The following ZIC1 variants were observed in gnomAD, a reference collection of about 807,000 sequenced individuals.
The protein encoded by ZIC1 is Zic family zinc finger 1.
A neutral mutation model predicts 30.9 loss-of-function variants in ZIC1; 4 were observed. The ratio of observed to expected loss-of-function variants is 0.13; its 90% CI spans 0.06 to 0.30. The LOEUF (loss-of-function observed/expected upper bound fraction) is 0.30, where lower values mean the gene tolerates loss of function less well. ZIC1 is among the 10% of genes least tolerant of loss of function. ZIC1 has a pLI of 1.00. For synonymous variants in ZIC1, 305 were observed against 277.5 expected (o/e 1.10, Z -0.98); for missense variants, 441 against 639.3 (o/e 0.69, Z 3.34).
In ZIC1 at chr3:147,410,587, G is replaced by A. The variant is rs1427425587; in HGVS notation, c.475G>A (p.Val159Ile). The A allele has an allele frequency of 6.2e-7, 1 of 1,613,116 alleles. No homozygotes were observed. Residue 159 changes from valine (V) to isoleucine (I), a missense_variant, in exon 1 of 3, where the codon GTC (valine) becomes ATC (isoleucine). By Grantham distance (29) the Val-to-Ile change is conservative. Coordinates refer to ENST00000282928, the MANE Select transcript of ZIC1 (RefSeq NM_003412.4). ...TGCCGGCCACGCGTCGCCTAACGTG[G>A]TCAACGGGCAGATGAGGCTCGGCTT... ...QAAGHASPNVVNGQMRLGFSG... is the reference protein window; with the variant it reads ...QAAGHASPNVINGQMRLGFSG...
chr3:147,412,391 A>G (rs2087388937), intron 1 of ZIC1, 127 bp from the exon 2 acceptor site: 2 of 1,106,928 alleles, frequency 1.8e-6, no homozygotes, highest in Non-Finnish European at 2.6e-6. Flanking sequence ...CGGGTTTTTA[A>G]GCTTGCAAAG....
chr3:147,413,389 G>A lies in ZIC1; in HGVS notation c.1182G>A (p.Ser394=). ...CCTCCTCGCAGGGCTCGCAGCCTTC[G>A]CCGGCCGCCAGCTCTGGCTACGAAT... ...HESSSQGSQP[S]PAASSGYESS... Residue 394 remains serine, a synonymous_variant, in exon 3 of 3, where the codon TCG becomes TCA. Transcript: ENST00000282928. 1 of 1,613,852 alleles carries A rather than the reference G, an allele frequency of 6.2e-7. No individual in the cohort carries two copies. Among genetic ancestry groups the A allele is most frequent in the East Asian group, 2.2e-5 (1 of 44,862 alleles).
Position 147,411,112 on chromosome 3 carries a change from G to A in ZIC1, c.982+18G>A. The A allele has an allele frequency of 1.2e-6, 2 of 1,602,666 alleles. No individual in the cohort carries two copies. The highest frequency in any genetic ancestry group is 1.1e-5 in the South Asian group (1 of 88,692). On this transcript the variant is annotated intron_variant, in intron 1 of 2. Coordinates refer to ENST00000282928, the MANE Select transcript of ZIC1 (RefSeq NM_003412.4). ...GCACACAGGTACGGAAACAGCTGTA[G>A]GACCCCTACCCATTCCCACTTGGGC...
intron 1 of ZIC1, among the ~76,000 whole-genome samples, chr3:147,411,954 A>T (rs932259227): frequency 2.0e-5 from 3 of 151,950 alleles, no homozygotes; most frequent in African/African-American, 7.3e-5. Flanking sequence ...CCCGGGTGAG[A>T]TCTGAGAACC....
Position 147,412,637 on chromosome 3 carries a change from G to T in ZIC1, c.1102G>T (p.Asp368Tyr). Reference protein sequence around the residue: ...SDKPYLCKMCDKSYTHPSSLR... With the variant: ...SDKPYLCKMCYKSYTHPSSLR... ...CAAGCCCTATCTTTGCAAGATGTGC[G>T]ACAAGTCCTACACGCATCCCAGTTC... is the stretch of plus-strand genomic sequence containing the variant. Residue 368 changes from aspartate to tyrosine, a missense_variant, in exon 2 of 3, where the codon GAC (aspartate) becomes TAC (tyrosine). Physicochemically the swap from Asp to Tyr is radical, Grantham distance 160. Coordinates refer to ENST00000282928, the MANE Select transcript of ZIC1 (RefSeq NM_003412.4). 6.2e-7 allele frequency: 1 copy of T among 1,614,194 alleles called. No individual in the cohort carries two copies. Among genetic ancestry groups the T allele is most frequent in the Non-Finnish European group, 8.5e-7 (1 of 1,180,050 alleles).
In ZIC1 at chr3:147,413,992, T is replaced by C. The variant is rs1271700957; in HGVS notation, c.*441T>C. The C allele has an allele frequency of 1.6e-5, 2 of 122,346 alleles. No individual in the cohort carries two copies. Among genetic ancestry groups the C allele is most frequent in the Non-Finnish European group, 3.3e-5 (2 of 60,980 alleles). 7.6% of individuals were successfully genotyped at this position (122,346 alleles called of 1,614,324 possible). A position where few individuals can be genotyped will look rare whatever the true frequency, so the allele number is the denominator to read the frequency against. On this transcript the variant is annotated 3_prime_UTR_variant, in exon 3 of 3. Transcript: ENST00000282928. ...CTCGGTTGGAGCGGGTGGGTGGGAT[T>C]GTGGCGTTGTGGTCTTTGCATTGGG...
rs765725158 is a variant in ZIC1 at position 147,410,728 on chromosome 3, G to T, written c.616G>T (p.Ala206Ser). ...CGGGCCCATGAACGTGAACATGGCC[G>T]CGCATCACGGCGCCGGCGCCTTCTT... Reference protein sequence around the residue: ...GYGPMNVNMAAHHGAGAFFRY... With the variant: ...GYGPMNVNMASHHGAGAFFRY... The change falls in exon 1 of 3, where the codon GCG (alanine) becomes TCG (serine). Residue 206 changes from alanine to serine, a missense_variant. Ala to Ser is a moderately conservative substitution (Grantham distance 99, BLOSUM62 1). Transcript: ENST00000282928. 7 of 1,614,068 alleles carry T rather than the reference G, an allele frequency of 4.3e-6. No individual in the cohort carries two copies. The highest frequency in any genetic ancestry group is 8.5e-7 in the Non-Finnish European group (1 of 1,179,968).
Position 147,413,609 on chromosome 3 carries a change from C to G in ZIC1, c.*58C>G, listed in dbSNP as rs1400493087. The G allele has an allele frequency of 6.4e-7, 1 of 1,569,780 alleles. No homozygotes were observed. Among genetic ancestry groups the G allele is most frequent in the Admixed American group, 1.8e-5 (1 of 55,976 alleles). On this transcript the variant is annotated 3_prime_UTR_variant, in exon 3 of 3. Coordinates refer to ENST00000282928, the MANE Select transcript of ZIC1 (RefSeq NM_003412.4). ...TTAAGAGACTGATCACACACGTATA[C>G]ACAACATTACTGAAAGAACCCTGCG...
Position 147,410,466 on chromosome 3 carries a change from C to A in ZIC1, c.354C>A (p.His118Gln). 1 of 1,605,812 alleles carries A rather than the reference C, an allele frequency of 6.2e-7. No homozygotes were observed. Among genetic ancestry groups the A allele is most frequent in the Non-Finnish European group, 8.5e-7 (1 of 1,179,456 alleles). Reference sequence around the variant, plus strand: ...CGGCGGCGGCAGCCAGCGCACAGCACAGCCTCTTTGCTGCATCGGCCGGGG... The same window carrying A: ...CGGCGGCGGCAGCCAGCGCACAGCAAAGCCTCTTTGCTGCATCGGCCGGGG... ...GDAAAAASAQ[H>Q]SLFAASAGGF... is the part of the protein sequence containing the mutation. The change falls in exon 1 of 3, where the codon CAC becomes CAA. Residue 118 changes from histidine (H) to glutamine (Q), a missense_variant. His to Gln is a conservative substitution (Grantham distance 24, BLOSUM62 0). This residue lies in a region of ZIC1 where 307 missense variants were observed against 355.3 expected (regional missense o/e 0.86). Coordinates refer to ENST00000282928, the MANE Select transcript of ZIC1 (RefSeq NM_003412.4).
chr3:147,410,112 G>C lies in ZIC1; in HGVS notation c.-1G>C. 1.3e-6 allele frequency: 2 copies of C among 1,526,576 alleles called. No homozygotes were observed. Among genetic ancestry groups the C allele is most frequent in the South Asian group, 1.3e-5 (1 of 79,910 alleles). 94.6% of individuals were successfully genotyped at this position (1,526,576 alleles called of 1,614,324 possible). A position where few individuals can be genotyped will look rare whatever the true frequency, so the allele number is the denominator to read the frequency against. On this transcript the variant is annotated 5_prime_UTR_variant, in exon 1 of 3. Transcript: ENST00000282928. ...GCCGGGGCTCGCCCCGAGCAGCCAC[G>C]ATGCTCCTGGACGCCGGCCCCCAGT...
chr3:147,413,025 C>T (rs749937904), intron 2 of ZIC1, among the ~76,000 whole-genome samples: 24 of 152,204 alleles, frequency 1.6e-4, no homozygotes, highest in Non-Finnish European at 3.2e-4. Flanking sequence ...AAGAATTGGA[C>T]TCCTGCGCCC....
At chr3:147,412,760 A>C in intron 2 of ZIC1, 79 bp downstream of exon 2, 1 of 1,540,800 alleles carries the variant, frequency 6.5e-7, no homozygotes, top group Non-Finnish European at 8.8e-7. Flanking sequence ...GGCGAGTGGC[A>C]GACAGGCGGT....
In ZIC1 at chr3:147,410,099, C is replaced by G; in HGVS notation, c.-14C>G. On this transcript the variant is annotated 5_prime_UTR_variant, in exon 1 of 3. Transcript: ENST00000282928. ...GGGGGCGGGGGAGGCCGGGGCTCGC[C>G]CCGAGCAGCCACGATGCTCCTGGAC... The G allele has an allele frequency of 1.3e-6, 2 of 1,490,332 alleles. No individual in the cohort carries two copies. Among genetic ancestry groups the G allele is most frequent in the Non-Finnish European group, 1.8e-6 (2 of 1,130,494 alleles). The allele number at this position is 1,490,332 out of a possible 1,614,324, so 92.3% of individuals were successfully genotyped here. A position where few individuals can be genotyped will look rare whatever the true frequency, so the allele number is the denominator to read the frequency against.
Position 147,413,407 on chromosome 3 carries a change from C to T in ZIC1, c.1200C>T (p.Gly400=). The change falls in exon 3 of 3, where the codon GGC becomes GGT. Residue 400 remains glycine (G), a synonymous_variant. Transcript: ENST00000282928. ...AGCCTTCGCCGGCCGCCAGCTCTGGCTACGAATCCTCCACGCCTCCCACCA... is the reference window on the plus strand; with the variant it reads ...AGCCTTCGCCGGCCGCCAGCTCTGGTTACGAATCCTCCACGCCTCCCACCA... ...GSQPSPAASS[G]YESSTPPTIV... The T allele has an allele frequency of 6.2e-7, 1 of 1,614,164 alleles. No homozygotes were observed. The highest frequency in any genetic ancestry group is 1.3e-5 in the African/African-American group (1 of 75,056).
At position 147,415,300 on chromosome 3, in the gene ZIC1, T is replaced by C. The variant is rs561494961; in HGVS notation, c.*1749T>C. On this transcript the variant is annotated 3_prime_UTR_variant, in exon 3 of 3. Transcript: ENST00000282928. ...TCATTTACTTAAGAAATTCGTTCCATTGGTTGGCATTGATACAGTAAATTT... is the reference window on the plus strand; with the variant it reads ...TCATTTACTTAAGAAATTCGTTCCACTGGTTGGCATTGATACAGTAAATTT... 2.3e-4 allele frequency: 35 copies of C among 152,796 alleles called. No individual in the cohort carries two copies. Among genetic ancestry groups the C allele is most frequent in the African/African-American group, 7.5e-4 (31 of 41,582 alleles). 9.5% of individuals were successfully genotyped at this position (152,796 alleles called of 1,614,324 possible). A position where few individuals can be genotyped will look rare whatever the true frequency, so the allele number is the denominator to read the frequency against.
intron 2 of ZIC1, 66 bp downstream of exon 2, chr3:147,412,747 G>C: frequency 6.4e-7 from 1 of 1,559,146 alleles, no homozygotes; most frequent in Non-Finnish European, 8.7e-7. Flanking sequence ...CTTGGGGTCG[G>C]GCGGCGAGTG....
At position 147,410,109 on chromosome 3, in the gene ZIC1, C is replaced by T. The variant is rs951110326; in HGVS notation, c.-4C>T. On this transcript the variant is annotated 5_prime_UTR_variant, in exon 1 of 3. Transcript: ENST00000282928. ...GAGGCCGGGGCTCGCCCCGAGCAGCCACGATGCTCCTGGACGCCGGCCCCC... is the reference window on the plus strand; with the variant it reads ...GAGGCCGGGGCTCGCCCCGAGCAGCTACGATGCTCCTGGACGCCGGCCCCC... The T allele has an allele frequency of 2.6e-6, 4 of 1,521,742 alleles. No homozygotes were observed. Among genetic ancestry groups the T allele is most frequent in the Admixed American group, 3.9e-5 (2 of 50,654 alleles). The allele number at this position is 1,521,742 out of a possible 1,614,324, so 94.3% of individuals were successfully genotyped here.
intron 1 of ZIC1, among the ~76,000 whole-genome samples, chr3:147,412,197 G>A (rs2087387359): frequency 6.6e-6 from 1 of 152,166 alleles, no homozygotes; most frequent in Non-Finnish European, 1.5e-5. Context: ...CCAGGTGGAA[G>A]CAATCCGAAA....
chr3:147,412,440 T>C, intron 1 of ZIC1, 78 bp from the exon 2 acceptor site: 1 of 1,553,018 alleles, frequency 6.4e-7, no homozygotes, highest in Non-Finnish European at 8.7e-7. Flanking sequence ...TTTATTTTTT[T>C]TCTATTTGTT....
Sources: gnomAD v4.1 joint callset for allele counts (sites outside exome capture counted in the v4.1 genomes callset) on GRCh38, gnomAD v4.1.1 for gene constraint, gnomAD v4.1.1 regional missense constraint, MANE v1.5 for transcripts, NCBI Gene and HGNC (gene_info 2026-07-23, HGNC 2026-07-21) for gene names.